NIPBL: variants seen among roughly 807,000 people sequenced by gnomAD.
NIPBL encodes NIPBL cohesin loading factor, also known as nipped-B-like protein.
In NIPBL, 19 loss-of-function variants were observed where a neutral mutation model predicts 321.8. The ratio of observed to expected loss-of-function variants is 0.06; its 90% CI spans 0.04 to 0.09. The LOEUF (loss-of-function observed/expected upper bound fraction) is 0.09. NIPBL is among the 10% of genes least tolerant of loss of function. The pLI, the probability that NIPBL is intolerant of heterozygous loss-of-function variation, is 1.00. For missense variants in NIPBL, 2,210 were observed against 3,327.0 expected, an observed-to-expected ratio of 0.66 and a Z score of 8.26; for synonymous variants, 1,106 against 1,114.1, an observed-to-expected ratio of 0.99 and a Z score of 0.14.
intron 1 of NIPBL, chr5:36,885,240 A>G: frequency 1.9e-6 from 1 of 532,356 alleles, no homozygotes; most frequent in South Asian, 1.4e-5. Context: ...TTCTCCACCA[A>G]CTACTGGTTC....
chr5:36,913,600 T>C (rs993640893), intron 1 of NIPBL, among the ~76,000 whole-genome samples: 2 of 152,122 alleles, frequency 1.3e-5, no homozygotes, highest in Non-Finnish European at 2.9e-5. Context: ...CTTGAACTCC[T>C]GGGCTCAAGC....
At chr5:36,964,199 A>G (rs149746150) in intron 6 of NIPBL, among the ~76,000 whole-genome samples, 1,878 of 152,272 alleles carry the variant, frequency 0.012, 47 homozygotes, top group African/African-American at 0.044. Flanking sequence ...AACAGTTTCT[A>G]TATTCAACGT....
rs148519494 is a variant in NIPBL at position 37,060,894 on chromosome 5, C to T, written c.7736C>T (p.Ala2579Val). The stretch of plus-strand genomic sequence containing the variant: ...GAATCTGCAAAAGTATATGATAAAG[C>T]GATAAACCGAAAAACAGGAGTTCAT... ...PSESAKVYDK[A>V]INRKTGVHFH... is the part of the protein sequence containing the mutation. The change falls in exon 45 of 47, where the codon GCG (alanine) becomes GTG (valine). Residue 2579 changes from alanine to valine, a missense_variant. Coordinates refer to ENST00000282516, the MANE Select transcript of NIPBL (RefSeq NM_133433.4). 5.0e-6 allele frequency: 8 copies of T among 1,613,896 alleles called. No homozygotes were observed. The highest frequency in any genetic ancestry group is 2.2e-5 in the East Asian group (1 of 44,854).
chr5:36,887,879 C>CT (rs1746036171), intron 1 of NIPBL, among the ~76,000 whole-genome samples: 2 of 152,266 alleles, frequency 1.3e-5, no homozygotes, highest in African/African-American at 4.8e-5. Flanking sequence ...TTACTCTGAC[C>CT]TGTCACCCAA....
intron 34 of NIPBL, among the ~76,000 whole-genome samples, chr5:37,042,512 C>T: frequency 6.6e-6 from 1 of 151,216 alleles, no homozygotes. Flanking sequence ...TAGATTAAGG[C>T]TGGACATGAT....
At chr5:36,987,220 A>G (rs1330827330) in intron 10 of NIPBL, among the ~76,000 whole-genome samples, 1 of 152,144 alleles carries the variant, frequency 6.6e-6, no homozygotes, top group African/African-American at 2.4e-5. Context: ...AATAGAACTG[A>G]GAGTTTATTT....
chr5:37,049,272 C>G lies in NIPBL; in HGVS notation c.6925C>G (p.Leu2309Val). Reference protein sequence around the residue: ...HFALNVIALTLNQGLIHPVQC... With the variant: ...HFALNVIALTVNQGLIHPVQC... ...TGCCCTAAATGTCATTGCATTGACT[C>G]TAAATCAAGGTCTTATTCATCCAGT... The change falls in exon 40 of 47, where the codon CTA (leucine) becomes GTA (valine). Residue 2309 changes from leucine (L) to valine (V), a missense_variant. Physicochemically the swap from Leu to Val is conservative, Grantham distance 32. Around this residue, in one of 14 missense-constraint regions of NIPBL, gnomAD observed 112 missense variants for 288.3 expected, o/e 0.39. Coordinates refer to ENST00000282516, the MANE Select transcript of NIPBL (RefSeq NM_133433.4). 1.2e-6 allele frequency: 2 copies of G among 1,614,040 alleles called. No homozygotes were observed. Among genetic ancestry groups the G allele is most frequent in the Non-Finnish European group, 1.7e-6 (2 of 1,179,992 alleles).
intron 6 of NIPBL, among the ~76,000 whole-genome samples, chr5:36,969,795 A>T (rs1742653699): frequency 6.6e-6 from 1 of 152,224 alleles, no homozygotes; most frequent in Non-Finnish European, 1.5e-5. Context: ...TTAGAATGAT[A>T]AAAATTATTG....
intron 21 of NIPBL, among the ~76,000 whole-genome samples, chr5:37,014,322 TTA>T (rs1561159856): frequency 1.3e-5 from 2 of 152,074 alleles, no homozygotes; most frequent in African/African-American, 4.8e-5. Flanking sequence ...ATTGTATGGA[TTA>T]TATGTTTCTT....
chr5:37,051,752 T>C, intron 40 of NIPBL, 27 bp from the exon 41 acceptor site: 1 of 1,486,686 alleles, frequency 6.7e-7, no homozygotes, highest in Non-Finnish European at 9.4e-7. Context: ...TACCATGATA[T>C]CTCGTAATTT....
intron 21 of NIPBL, among the ~76,000 whole-genome samples, chr5:37,012,456 ATT>A (rs763144789): frequency 5.2e-4 from 56 of 107,188 alleles, no homozygotes; most frequent in Non-Finnish European, 7.7e-4. Context: ...TCTTTCTCCA[ATT>A]TTTTTTTTTT....
Position 37,049,450 on chromosome 5 carries a change from T to A in NIPBL, c.6954+149T>A, listed in dbSNP as rs947046915. The A allele has an allele frequency of 8.1e-6, 7 of 863,166 alleles. No homozygotes were observed. In the African/African-American group the frequency reaches 1.0e-4, roughly 12 times the overall value. 53.5% of individuals were successfully genotyped at this position (863,166 alleles called of 1,614,324 possible). A position where few individuals can be genotyped will look rare whatever the true frequency, so the allele number is the denominator to read the frequency against. ...AAGAATCTGGCAGTTTTAGATAATC[T>A]CTTGGGTTATGATTACTGCAAAATA... On this transcript the variant is annotated intron_variant, in intron 40 of 46. Coordinates refer to ENST00000282516, the MANE Select transcript of NIPBL (RefSeq NM_133433.4).
At chr5:36,878,368 GTAAGT>G (rs1246991176) in intron 1 of NIPBL, among the ~76,000 whole-genome samples, 2 of 152,182 alleles carry the variant, frequency 1.3e-5, no homozygotes, top group African/African-American at 4.8e-5. Context: ...TAGTTCATGA[GTAAGT>G]TAAGTGTTTC....
chr5:37,007,051 A>G (rs537195270), intron 17 of NIPBL, among the ~76,000 whole-genome samples: 18 of 152,076 alleles, frequency 1.2e-4, no homozygotes, highest in African/African-American at 4.8e-5. Context: ...TAATCTTACT[A>G]TCCTGCTCCA....
chr5:37,035,530 A>AT (rs1379469887), intron 32 of NIPBL, among the ~76,000 whole-genome samples: 2 of 152,114 alleles, frequency 1.3e-5, no homozygotes, highest in African/African-American at 2.4e-5. Context: ...AGCCACATGC[A>AT]TTTTTTTAAA....
chr5:37,011,244 A>G (rs1166520183), intron 21 of NIPBL, among the ~76,000 whole-genome samples: 1 of 152,198 alleles, frequency 6.6e-6, no homozygotes, highest in African/African-American at 2.4e-5. Context: ...TTTGGGAATA[A>G]TAATAAATAT....
rs139894113 is a variant in NIPBL at position 36,970,973 on chromosome 5, T to G, written c.708T>G (p.Ala236=). The part of the protein sequence containing the change: ...PLSGNSANHH[A]DNPRHGSSED... ...CTGGCAATTCAGCTAATCATCATGC[T>G]GATAATCCTAGACATGGTTCAAGTG... The change falls in exon 7 of 47, where the codon GCT becomes GCG. Residue 236 remains alanine, a synonymous_variant. Transcript: ENST00000282516. 3.5e-5 allele frequency: 56 copies of G among 1,613,592 alleles called. No individual in the cohort carries two copies. The highest frequency in any genetic ancestry group is 4.6e-5 in the Non-Finnish European group (54 of 1,179,654).
rs751872913 is a variant in NIPBL, at chr5:37,051,824, A to G, written c.7000A>G (p.Met2334Val). The G allele has an allele frequency of 2.5e-6, 4 of 1,613,840 alleles. No homozygotes were observed. Among genetic ancestry groups the G allele is most frequent in the Admixed American group, 1.7e-5 (1 of 59,984 alleles). Residue 2334 changes from methionine to valine, a missense_variant, in exon 41 of 47, where the codon ATG (methionine) becomes GTG (valine). Met to Val is a conservative substitution (Grantham distance 21). This residue lies in a region of NIPBL where 112 missense variants were observed against 288.3 expected (regional missense o/e 0.39). Coordinates refer to ENST00000282516, the MANE Select transcript of NIPBL (RefSeq NM_133433.4). ...IAMGTDPEPA[M>V]RNKADQQLVE... ...TATGGGCACAGACCCAGAACCTGCTATGCGGAACAAGGCTGATCAGCAACT... is the reference window on the plus strand; with the variant it reads ...TATGGGCACAGACCCAGAACCTGCTGTGCGGAACAAGGCTGATCAGCAACT...
intron 34 of NIPBL, among the ~76,000 whole-genome samples, chr5:37,039,796 A>T (rs1752126931): frequency 6.6e-6 from 1 of 152,066 alleles, no homozygotes; most frequent in African/African-American, 2.4e-5. Flanking sequence ...AAACTTTAAG[A>T]ACTGAGGAGA....
Sources: allele counts gnomAD v4.1 joint callset (sites outside exome capture counted in the v4.1 genomes callset), GRCh38; gene constraint gnomAD v4.1.1; regional missense constraint gnomAD v4.1.1; transcripts MANE v1.5; gene names NCBI Gene and HGNC (gene_info 2026-07-23, HGNC 2026-07-21).